The following ST3GAL3 variants were observed in gnomAD, a reference collection of about 807,000 sequenced individuals.
The protein encoded by ST3GAL3 is CMP-N-acetylneuraminate-beta-1,4-galactoside alpha-2,3-sialyltransferase.
Under a neutral mutation model 50.1 loss-of-function variants are expected in ST3GAL3, and 21 were observed. That is an observed-to-expected ratio of 0.42 (90% confidence interval 0.30 to 0.60). The LOEUF (loss-of-function observed/expected upper bound fraction) is 0.60, where lower values mean the gene tolerates loss of function less well. Ranked by LOEUF, ST3GAL3 falls within the 20% of genes least tolerant of loss-of-function variation. ST3GAL3 has a pLI of 0.19. For missense variants in ST3GAL3, 353 were observed against 489.4 expected, an observed-to-expected ratio of 0.72 and a Z score of 2.63; for synonymous variants, 183 against 190.0, an observed-to-expected ratio of 0.96 and a Z score of 0.30.
intron 5 of ST3GAL3, among the ~76,000 whole-genome samples, chr1:43,846,526 A>G (rs1258753814): frequency 6.6e-6 from 1 of 152,154 alleles, no homozygotes; most frequent in Non-Finnish European, 1.5e-5. Flanking sequence ...GGGAAGGAGC[A>G]TGTTTATATT....
chr1:43,791,768 AC>A (rs1329768743), intron 2 of ST3GAL3, among the ~76,000 whole-genome samples: 1 of 152,200 alleles, frequency 6.6e-6, no homozygotes, highest in Non-Finnish European at 1.5e-5. Flanking sequence ...TCAGGAAGGA[AC>A]TTTTATTTTG....
At chr1:43,729,263 A>C (rs773385850) in intron 1 of ST3GAL3, among the ~76,000 whole-genome samples, 9 of 151,416 alleles carry the variant, frequency 5.9e-5, no homozygotes, top group Non-Finnish European at 1.0e-4. Context: ...CTATCGAGAC[A>C]ATTTTTTGTA....
chr1:43,930,561 T>G lies in ST3GAL3; in HGVS notation c.*340T>G. 1 of 408,970 alleles carries G rather than the reference T, an allele frequency of 2.4e-6. No individual in the cohort carries two copies. The allele number at this position is 408,970 out of a possible 1,614,324, so 25.3% of individuals were successfully genotyped here. A position where few individuals can be genotyped will look rare whatever the true frequency, so the allele number is the denominator to read the frequency against. On this transcript the variant is annotated 3_prime_UTR_variant, in exon 12 of 12. Transcript: ENST00000347631. ...TGTATTATCATTTTGTGAATTTGGG[T>G]AGGGGGGAGGGTAGGGATAATTTAT... is the stretch of plus-strand genomic sequence containing the variant.
chr1:43,719,921 A>G (rs528205476), intron 1 of ST3GAL3, among the ~76,000 whole-genome samples: 2 of 144,962 alleles, frequency 1.4e-5, no homozygotes, highest in Non-Finnish European at 3.0e-5. Flanking sequence ...CAACAGAGCA[A>G]GACTCTGTCT....
At chr1:43,883,606 C>T (rs144292407) in intron 5 of ST3GAL3, among the ~76,000 whole-genome samples, 4 of 152,344 alleles carry the variant, frequency 2.6e-5, no homozygotes, top group African/African-American at 9.6e-5. Flanking sequence ...GCTTTGTTTA[C>T]ACCTAGTCAG....
chr1:43,768,630 C>T (rs1467764592), intron 2 of ST3GAL3, among the ~76,000 whole-genome samples: 1 of 151,942 alleles, frequency 6.6e-6, no homozygotes, highest in African/African-American at 2.4e-5. Context: ...CAATTTTATG[C>T]CAAAAGTCCT....
At chr1:43,800,607 G>A (rs901642672) in intron 3 of ST3GAL3, among the ~76,000 whole-genome samples, 2 of 152,184 alleles carry the variant, frequency 1.3e-5, no homozygotes, top group African/African-American at 4.8e-5. Context: ...TTGGTTCCAC[G>A]GCATCCCTGC....
chr1:43,847,368 AAAGTAGAAGC>A (rs1275718413), intron 5 of ST3GAL3, among the ~76,000 whole-genome samples: 1 of 152,232 alleles, frequency 6.6e-6, no homozygotes, highest in Non-Finnish European at 1.5e-5. Context: ...TTATTGCCAA[AAAGTAGAAGC>A]AACCTGTGTT....
intron 2 of ST3GAL3, among the ~76,000 whole-genome samples, chr1:43,751,880 C>T (rs572903050): frequency 1.8e-4 from 27 of 151,934 alleles, no homozygotes; most frequent in African/African-American, 6.0e-4. Context: ...AGTGCAGTGG[C>T]GCGATCTCGG....
chr1:43,721,634 C>T (rs762353288), intron 1 of ST3GAL3, among the ~76,000 whole-genome samples: 9 of 149,796 alleles, frequency 6.0e-5, no homozygotes, highest in African/African-American at 2.0e-4. Flanking sequence ...GACAGAGTTT[C>T]GCTCTTGTCC....
intron 2 of ST3GAL3, chr1:43,736,721 A>G: frequency 2.6e-6 from 1 of 391,482 alleles, no homozygotes; most frequent in South Asian, 2.2e-5. Context: ...CTATTTTGCC[A>G]TTTATTGCCT....
At chr1:43,839,224 C>T (rs1385848815) in intron 5 of ST3GAL3, 1 of 152,326 alleles carries the variant, frequency 6.6e-6, no homozygotes, top group East Asian at 1.9e-4. Flanking sequence ...GCAGTCTCAG[C>T]TTAGCTCCTT....
chr1:43,819,991 G>C (rs39722), intron 4 of ST3GAL3, among the ~76,000 whole-genome samples: 137,483 of 152,274 alleles, frequency 0.9, 62,293 homozygotes, highest in African/African-American at 0.96. Context: ...CAAAAAAGAG[G>C]CAGAATAGCC....
At chr1:43,929,397 C>T (rs1411376584) in intron 11 of ST3GAL3, among the ~76,000 whole-genome samples, 2 of 151,788 alleles carry the variant, frequency 1.3e-5, no homozygotes, top group Non-Finnish European at 2.9e-5. Context: ...CTCTGCCTCC[C>T]GGGTTCAAGC....
intron 5 of ST3GAL3, among the ~76,000 whole-genome samples, chr1:43,867,028 G>A (rs1053092756): frequency 6.6e-6 from 1 of 152,188 alleles, no homozygotes; most frequent in South Asian, 2.1e-4. Context: ...TACTTGGGAC[G>A]CTTATGCAGG....
intron 5 of ST3GAL3, among the ~76,000 whole-genome samples, chr1:43,848,124 T>G (rs1043905982): frequency 1.3e-5 from 2 of 152,138 alleles, no homozygotes; most frequent in African/African-American, 4.8e-5. Flanking sequence ...CCCACTACCT[T>G]AAATATGTAA....
chr1:43,833,489 A>G (rs1163535432), intron 4 of ST3GAL3, among the ~76,000 whole-genome samples: 1 of 152,180 alleles, frequency 6.6e-6, no homozygotes, highest in Admixed American at 6.5e-5. Context: ...CAGACACCGT[A>G]CTCAGTGCCA....
intron 3 of ST3GAL3, among the ~76,000 whole-genome samples, chr1:43,797,129 A>G (rs1284801826): frequency 6.6e-6 from 1 of 152,224 alleles, no homozygotes; most frequent in Non-Finnish European, 1.5e-5. Flanking sequence ...TCAAGGCTGC[A>G]GTTAGCTATG....
intron 5 of ST3GAL3, among the ~76,000 whole-genome samples, chr1:43,847,116 G>C (rs72888713): frequency 6.6e-6 from 1 of 152,180 alleles, no homozygotes; most frequent in African/African-American, 2.4e-5. Context: ...ACATCCATTA[G>C]GATACTATGG....
Sources: allele counts gnomAD v4.1 joint callset (sites outside exome capture counted in the v4.1 genomes callset), GRCh38; gene constraint gnomAD v4.1.1; transcripts MANE v1.5; gene names NCBI Gene and HGNC (gene_info 2026-07-23, HGNC 2026-07-21).